The following ZNF773 variants were observed in gnomAD, a reference collection of about 807,000 sequenced individuals.
ZNF773 encodes zinc finger protein 419B.
In ZNF773, 11 loss-of-function variants were observed where a neutral mutation model predicts 12.8. The ratio of observed to expected loss-of-function variants is 0.86; its 90% CI spans 0.54 to 1.42. The LOEUF (loss-of-function observed/expected upper bound fraction) is 1.42, where lower values mean the gene tolerates loss of function less well. Ranked by LOEUF, ZNF773 falls within the 40% of genes most tolerant of loss-of-function variation. ZNF773 has a pLI of 0.00. For synonymous variants in ZNF773, 175 were observed against 178.4 expected (o/e 0.98, Z 0.15); for missense variants, 518 against 527.2 (o/e 0.98, Z 0.17).
intron 1 of ZNF773, 26 bp downstream of exon 1, chr19:57,500,139 C>G: frequency 6.3e-7 from 1 of 1,598,742 alleles, no homozygotes; most frequent in South Asian, 1.1e-5. Context: ...TCCCGGCCTC[C>G]CCCGAATCCT....
At position 57,507,611 on chromosome 19, in the gene ZNF773, G is replaced by C. The variant is rs960031174; in HGVS notation, c.*187G>C. ...AAAGGCCTCAGCCAAAGGCCTAACC[G>C]TATTCAACACCAGAAAGTTTAGACT... On this transcript the variant is annotated 3_prime_UTR_variant, in exon 4 of 4. Coordinates refer to ENST00000282292, the MANE Select transcript of ZNF773 (RefSeq NM_198542.3). The C allele has an allele frequency of 7.0e-5, 97 of 1,394,174 alleles. 3 individuals carry two copies. The South Asian group carries it at 1.1e-3, about 16-fold the overall frequency. The allele number at this position is 1,394,174 out of a possible 1,614,324, so 86.4% of individuals were successfully genotyped here. A position where few individuals can be genotyped will look rare whatever the true frequency, so the allele number is the denominator to read the frequency against.
downstream of ZNF773, among the ~76,000 whole-genome samples, chr19:57,511,033 T>A (rs1250629302): frequency 1.1e-5 from 1 of 92,870 alleles, no homozygotes; most frequent in Non-Finnish European, 2.3e-5. Flanking sequence ...AACAATTTTA[T>A]TTATTTTATT....
intron 3 of ZNF773, among the ~76,000 whole-genome samples, chr19:57,505,986 G>A (rs1362768954): frequency 6.6e-6 from 1 of 152,150 alleles, no homozygotes; most frequent in Non-Finnish European, 1.5e-5. Context: ...TGGGATTACA[G>A]GCATGAGGCA....
rs574331508 is a variant in ZNF773 at position 57,502,205 on chromosome 19, G to T, written c.33+2092G>T. Among the ~76,000 whole-genome samples the T allele has an allele frequency of 2.0e-4, 31 of 152,280 alleles. 1 individual carries two copies. In the South Asian group the frequency reaches 5.6e-3, roughly 27 times the overall value. ...GATCCGCCCACCTCTGCCTCCCAAA[G>T]TGCTGGGATTATAGACATGAGCCAT... is the stretch of plus-strand genomic sequence containing the variant. On this transcript the variant is annotated intron_variant, in intron 1 of 3. Transcript: ENST00000282292.
downstream of ZNF773, among the ~76,000 whole-genome samples, chr19:57,512,777 T>C (rs961383049): frequency 6.6e-6 from 1 of 152,152 alleles, no homozygotes; most frequent in Admixed American, 6.5e-5. Context: ...CCAGGTGCAG[T>C]GTTCCTTGTG....
rs764012811 is a variant in ZNF773, at chr19:57,507,147, G to T, written c.1052G>T (p.Arg351Leu). Residue 351 changes from arginine (R) to leucine (L), a missense_variant, in exon 4 of 4, where the codon CGT becomes CTT. Arg to Leu is a moderately radical substitution (Grantham distance 102). Transcript: ENST00000282292. The part of the protein sequence containing the change: ...SHKSSLINHW[R>L]VHTGERPYEC... ...AAGTCCAGCCTTATCAATCATTGGC[G>T]TGTTCACACTGGAGAAAGGCCTTAT... 6.2e-7 allele frequency: 1 copy of T among 1,613,868 alleles called. No individual in the cohort carries two copies. The highest frequency in any genetic ancestry group is 8.5e-7 in the Non-Finnish European group (1 of 1,179,956).
Position 57,500,727 on chromosome 19 carries a change from A to C in ZNF773, c.33+614A>C, listed in dbSNP as rs180750042. On this transcript the variant is annotated intron_variant, in intron 1 of 3. Coordinates refer to ENST00000282292, the MANE Select transcript of ZNF773 (RefSeq NM_198542.3). Reference sequence around the variant, plus strand: ...TTTTGTTTGTTCCTGAATATCAGGAAGGATGGAGATGGGTAAGGCTGTGCA... The same window carrying C: ...TTTTGTTTGTTCCTGAATATCAGGACGGATGGAGATGGGTAAGGCTGTGCA... 5.3e-5 allele frequency among the ~76,000 whole-genome samples: 8 copies of C among 152,312 alleles called. No homozygotes were observed. The East Asian group carries it at 7.7e-4, about 15-fold the overall frequency.
At chr19:57,512,810 G>A (rs2089805772), downstream of ZNF773, among the ~76,000 whole-genome samples, 1 of 152,106 alleles carries the variant, frequency 6.6e-6, no homozygotes, top group Non-Finnish European at 1.5e-5. Flanking sequence ...AACATCTGGA[G>A]TCTGTTGTAT....
downstream of ZNF773, chr19:57,513,144 G>A: frequency 2.2e-6 from 3 of 1,393,228 alleles, no homozygotes; most frequent in Non-Finnish European, 2.8e-6. Context: ...GCTGGCAGTG[G>A]ATATAAGGTC....
At chr19:57,505,598 A>G (rs1809787917) in intron 3 of ZNF773, among the ~76,000 whole-genome samples, 198 bp downstream of exon 3, 1 of 151,624 alleles carries the variant, frequency 6.6e-6, no homozygotes. Flanking sequence ...TCTGTACTCC[A>G]TGTTTCACCC....
intron 1 of ZNF773, among the ~76,000 whole-genome samples, chr19:57,504,130 G>A (rs1306930145): frequency 6.6e-6 from 1 of 152,212 alleles, no homozygotes; most frequent in Non-Finnish European, 1.5e-5. Context: ...GGGGCTGAGG[G>A]TTGCCCCTGG....
At chr19:57,511,979 G>A (rs1341790888), downstream of ZNF773, among the ~76,000 whole-genome samples, 2 of 152,176 alleles carry the variant, frequency 1.3e-5, no homozygotes, top group Middle Eastern at 3.2e-3. Flanking sequence ...AAAGAATGCA[G>A]ATCACTGGTT....
In ZNF773 at chr19:57,507,700, G is replaced by A. The variant is rs377279713; in HGVS notation, c.*276G>A. 81 of 1,228,706 alleles carry A rather than the reference G, an allele frequency of 6.6e-5. No homozygotes were observed. The Middle Eastern group carries it at 1.6e-3, about 24-fold the overall frequency. The allele number at this position is 1,228,706 out of a possible 1,614,324, so 76.1% of individuals were successfully genotyped here. A position where few individuals can be genotyped will look rare whatever the true frequency, so the allele number is the denominator to read the frequency against. ...TGACTTAAAGCAGAAACAGCCAGGC[G>A]TGGTGGCTGACACCTGTTATTCTCA... On this transcript the variant is annotated 3_prime_UTR_variant, in exon 4 of 4. Transcript: ENST00000282292.
chr19:57,515,343 A>G (rs1184927062), downstream of ZNF773: 2 of 152,194 alleles, frequency 1.3e-5, no homozygotes, highest in Non-Finnish European at 2.9e-5. Context: ...CTGCATCAAA[A>G]CACCTCTGCC....
Position 57,507,091 on chromosome 19 carries a change from G to T in ZNF773, c.996G>T (p.Lys332Asn), listed in dbSNP as rs749953354. ...TTCACACTGGAGAAAGACCTTATAA[G>T]TGCAGTGAATGTGGAAAATTCTATA... The part of the protein sequence containing the change: ...QRVHTGERPY[K>N]CSECGKFYSH... Residue 332 changes from lysine (K) to asparagine (N), a missense_variant, in exon 4 of 4, where the codon AAG (lysine) becomes AAT (asparagine). Coordinates refer to ENST00000282292, the MANE Select transcript of ZNF773 (RefSeq NM_198542.3). 1.2e-6 allele frequency: 2 copies of T among 1,613,806 alleles called. No individual in the cohort carries two copies. Among genetic ancestry groups the T allele is most frequent in the Non-Finnish European group, 1.7e-6 (2 of 1,179,964 alleles).
In ZNF773 at chr19:57,500,093, A is replaced by G. The variant is rs142896117; in HGVS notation, c.13A>G (p.Thr5Ala). The G allele has an allele frequency of 1.9e-3, 3,099 of 1,604,706 alleles. 43 individuals carry two copies. In the African/African-American group the frequency reaches 0.032, roughly 16 times the overall value. ...GCCACAGGCTCCGATGGCGGCGGCC[A>G]CGCTGAGGGACCCCGCTCAGGTGAG... MAAATLRDPAQQGYV... is the reference protein window; with the variant it reads MAAAALRDPAQQGYV... The change falls in exon 1 of 4, where the codon ACG (threonine) becomes GCG (alanine). Residue 5 changes from threonine (T) to alanine (A), a missense_variant. By Grantham distance (58) the Thr-to-Ala change is moderately conservative (BLOSUM62 0). Coordinates refer to ENST00000282292, the MANE Select transcript of ZNF773 (RefSeq NM_198542.3).
At chr19:57,513,279 C>G (rs2089811101), downstream of ZNF773, 1 of 410,160 alleles carries the variant, frequency 2.4e-6, no homozygotes, top group Non-Finnish European at 4.1e-6. Context: ...ATCTGGTGCT[C>G]AGGTTAGTTC....
chr19:57,514,718 T>C (rs896204443), downstream of ZNF773: 1 of 152,244 alleles, frequency 6.6e-6, no homozygotes, highest in Non-Finnish European at 1.5e-5. Context: ...GTTTATGGGA[T>C]GTGATCCAGA....
chr19:57,501,611 T>A (rs2089671523), intron 1 of ZNF773, among the ~76,000 whole-genome samples: 2 of 152,166 alleles, frequency 1.3e-5, no homozygotes. Flanking sequence ...GTAAGAGGCA[T>A]CACTAAGAAC....
Sources: allele counts gnomAD v4.1 joint callset (sites outside exome capture counted in the v4.1 genomes callset), GRCh38; gene constraint gnomAD v4.1.1; transcripts MANE v1.5; gene names NCBI Gene and HGNC (gene_info 2026-07-23, HGNC 2026-07-21).